The following AKR1C8 variants were observed in gnomAD, a reference collection of about 807,000 sequenced individuals.
AKR1C8 encodes aldo-keto reductase family 1 member C8.
At chr10:5,132,708 A>T in the AKR1C8 span, 1 of 1,581,386 alleles carries the variant, frequency 6.3e-7, no homozygotes. Context: ...AGCAGAATCA[A>T]TATGGAAGAA....
chr10:5,121,694 G>A, the AKR1C8 span, among the ~76,000 whole-genome samples: 1 of 152,018 alleles, frequency 6.6e-6, no homozygotes, highest in Non-Finnish European at 1.5e-5. Flanking sequence ...TTGCCTCGGT[G>A]GAGACACAAA....
the AKR1C8 span, among the ~76,000 whole-genome samples, chr10:5,169,628 G>A: frequency 0.017 from 2,653 of 151,610 alleles, 75 homozygotes; most frequent in African/African-American, 0.06. Flanking sequence ...TTCCTGTTAT[G>A]AGGATAATAA....
At chr10:5,139,793 A>T in the AKR1C8 span, among the ~76,000 whole-genome samples, 17 of 152,268 alleles carry the variant, frequency 1.1e-4, no homozygotes, top group East Asian at 1.7e-3. Flanking sequence ...AAGCCAAAAT[A>T]GACAAATGGG....
chr10:5,133,567 G>T, the AKR1C8 span, among the ~76,000 whole-genome samples: 1 of 152,080 alleles, frequency 6.6e-6, no homozygotes, highest in African/African-American at 2.4e-5. Flanking sequence ...TGTCTACAAG[G>T]GATGCTATTT....
At chr10:5,176,586 G>C in the AKR1C8 span, among the ~76,000 whole-genome samples, 29,987 of 149,748 alleles carry the variant, frequency 0.2, 3,155 homozygotes, top group Admixed American at 0.23. Flanking sequence ...CCATTTTCAC[G>C]ATATTGATTC....
At chr10:5,155,783 A>T in the AKR1C8 span, 1 of 465,072 alleles carries the variant, frequency 2.2e-6, no homozygotes. Flanking sequence ...CACTCACATT[A>T]ACCCCTCCCC....
chr10:5,182,547 G>A, the AKR1C8 span, among the ~76,000 whole-genome samples: 1 of 151,884 alleles, frequency 6.6e-6, no homozygotes, highest in Non-Finnish European at 1.5e-5. Flanking sequence ...TTTAAACTGA[G>A]GTATTATTAT....
the AKR1C8 span, among the ~76,000 whole-genome samples, chr10:5,158,376 G>A: frequency 6.6e-6 from 1 of 152,188 alleles, no homozygotes; most frequent in Non-Finnish European, 1.5e-5. Context: ...ATTTATTTTA[G>A]GAGTGGGGTT....
chr10:5,165,011 A>G, the AKR1C8 span, among the ~76,000 whole-genome samples: 1 of 152,160 alleles, frequency 6.6e-6, no homozygotes, highest in African/African-American at 2.4e-5. Context: ...GTGTTGTAGT[A>G]ATCAGGAATG....
At chr10:5,126,963 G>C in the AKR1C8 span, among the ~76,000 whole-genome samples, 1 of 151,942 alleles carries the variant, frequency 6.6e-6, no homozygotes, top group African/African-American at 2.4e-5. Flanking sequence ...ATAAATTCAA[G>C]AACAAGTAGA....
At chr10:5,158,243 A>C in the AKR1C8 span, among the ~76,000 whole-genome samples, 1 of 152,346 alleles carries the variant, frequency 6.6e-6, no homozygotes, top group South Asian at 2.1e-4. Context: ...GAAAAAAAAT[A>C]ACTTCTTTGG....
chr10:5,180,043 A>G, the AKR1C8 span, among the ~76,000 whole-genome samples: 1 of 152,128 alleles, frequency 6.6e-6, no homozygotes, highest in Non-Finnish European at 1.5e-5. Context: ...GGAGGAGGAG[A>G]GGCACTCTGC....
At chr10:5,159,356 T>C in the AKR1C8 span, among the ~76,000 whole-genome samples, 1 of 152,114 alleles carries the variant, frequency 6.6e-6, no homozygotes, top group African/African-American at 2.4e-5. Context: ...GATGTGGAAA[T>C]CTTTACAGGA....
At chr10:5,123,930 A>G in the AKR1C8 span, 1 of 1,153,148 alleles carries the variant, frequency 8.7e-7, no homozygotes, top group Non-Finnish European at 1.2e-6. Flanking sequence ...GTAGCATCAA[A>G]TTTGAACTGA....
At chr10:5,167,080 T>C in the AKR1C8 span, among the ~76,000 whole-genome samples, 41 of 152,230 alleles carry the variant, frequency 2.7e-4, no homozygotes, top group African/African-American at 8.9e-4. Context: ...AAACCCACAA[T>C]GAGATACCAT....
the AKR1C8 span, among the ~76,000 whole-genome samples, chr10:5,182,047 ATT>A: frequency 6.6e-6 from 1 of 152,188 alleles, no homozygotes; most frequent in African/African-American, 2.4e-5. Flanking sequence ...ACTGATCATC[ATT>A]TTGTTTTTTT....
chr10:5,148,986 A>C, the AKR1C8 span, among the ~76,000 whole-genome samples: 21 of 152,260 alleles, frequency 1.4e-4, no homozygotes, highest in Admixed American at 3.9e-4. Context: ...ACAACAAGAA[A>C]AGGAAAGGAA....
the AKR1C8 span, among the ~76,000 whole-genome samples, chr10:5,145,126 A>T: frequency 4.6e-5 from 7 of 152,106 alleles, no homozygotes; most frequent in Non-Finnish European, 7.4e-5. Context: ...CTATTGAGAT[A>T]ATCATGTGGT....
the AKR1C8 span, among the ~76,000 whole-genome samples, chr10:5,169,528 A>T: frequency 1.3e-5 from 1 of 76,168 alleles, no homozygotes; most frequent in Non-Finnish European, 3.2e-5. Flanking sequence ...TGATTGGTTG[A>T]GACAGAAGTA....
Sources: allele counts gnomAD v4.1 joint callset (sites outside exome capture counted in the v4.1 genomes callset), GRCh38; gene constraint gnomAD v4.1.1; transcripts MANE v1.5; gene names NCBI Gene and HGNC (gene_info 2026-07-23, HGNC 2026-07-21).